Variants in GTPBP4 observed in about 807,000 individuals in gnomAD.
GTPBP4 encodes GTP-binding protein 4.
In GTPBP4, 15 loss-of-function variants were observed where a neutral mutation model predicts 81.7. The observed-to-expected ratio is 0.18, with a 90% CI of 0.12 to 0.28. GTPBP4 has a LOEUF of 0.28. Among genes scored for constraint, GTPBP4 ranks in the 10% least tolerant of loss-of-function variants. GTPBP4 has a pLI of 1.00. For synonymous variants in GTPBP4, 272 were observed against 274.6 expected (o/e 0.99, Z 0.09); for missense variants, 847 against 793.8 (o/e 1.07, Z -0.81).
intron 10 of GTPBP4, 112 bp downstream of exon 10, chr10:1,007,240 G>T (rs989632488): frequency 1.5e-6 from 1 of 650,970 alleles, no homozygotes. Flanking sequence ...GGTGGATATT[G>T]TGGGTGGGCC....
chr10:995,141 T>G (rs917969759), intron 2 of GTPBP4, among the ~76,000 whole-genome samples: 2 of 152,052 alleles, frequency 1.3e-5, no homozygotes, highest in Non-Finnish European at 2.9e-5. Context: ...GCCTGGTGAT[T>G]TAAAATGCAT....
chr10:1,016,535 T>G (rs7068703), intron 16 of GTPBP4, among the ~76,000 whole-genome samples: 76,244 of 152,168 alleles, frequency 0.5, 19,404 homozygotes, highest in Middle Eastern at 0.61. Context: ...TCTGTGCCAT[T>G]GCCATCTTGA....
At chr10:990,208 G>A (rs1002516963) in intron 1 of GTPBP4, among the ~76,000 whole-genome samples, 4 of 152,100 alleles carry the variant, frequency 2.6e-5, no homozygotes, top group Non-Finnish European at 5.9e-5. Flanking sequence ...TCTGTTCTGT[G>A]GAGTGAGATT....
intron 8 of GTPBP4, among the ~76,000 whole-genome samples, chr10:1,002,725 A>G (rs1485543258): frequency 1.3e-5 from 2 of 152,192 alleles, no homozygotes; most frequent in African/African-American, 2.4e-5. Flanking sequence ...AACACTTTGA[A>G]TATATATCAT....
In GTPBP4 at chr10:1,007,089, T is replaced by G. The variant is rs1266103587; in HGVS notation, c.1074T>G (p.Asn358Lys). ...MKGNKVNEVL[N>K]RLHLAIPTRR... is the part of the protein sequence containing the mutation. ...GAAATAAAGTGAATGAGGTGCTGAA[T>G]AGACTGCACCTGGCTATCCCAACCA... Residue 358 changes from asparagine (N) to lysine (K), a missense_variant, in exon 10 of 17, where the codon AAT becomes AAG. By Grantham distance (94) the Asn-to-Lys change is moderately conservative. Coordinates refer to ENST00000360803, the MANE Select transcript of GTPBP4 (RefSeq NM_012341.3). 3 of 1,611,524 alleles carry G rather than the reference T, an allele frequency of 1.9e-6. No homozygotes were observed. The African/African-American group carries it at 4.0e-5, about 22-fold the overall frequency.
intron 1 of GTPBP4, among the ~76,000 whole-genome samples, chr10:991,713 T>G (rs1453463334): frequency 2.1e-5 from 2 of 96,826 alleles, no homozygotes; most frequent in East Asian, 6.8e-4. Context: ...TTTTTTTTTT[T>G]GAGACGGAGT....
chr10:1,009,550 A>G lies in GTPBP4; in HGVS notation c.1213A>G (p.Met405Val). 1.2e-6 allele frequency: 2 copies of G among 1,603,062 alleles called. No individual in the cohort carries two copies. Among genetic ancestry groups the G allele is most frequent in the Non-Finnish European group, 1.7e-6 (2 of 1,169,870 alleles). Residue 405 changes from methionine to valine, a missense_variant, in exon 12 of 17, where the codon ATG becomes GTG. Around this residue, in one of 3 missense-constraint regions of GTPBP4, gnomAD observed 600 missense variants for 557.1 expected, o/e 1.08. Transcript: ENST00000360803. ...GCAGGAACGAGATCTTGAGCTGGAA[A>G]TGGGAGATGATTATATTTTGGATCT... ...KKRERDLELE[M>V]GDDYILDLQK...
chr10:1,013,872 A>G (rs1831925878), intron 14 of GTPBP4, among the ~76,000 whole-genome samples: 1 of 152,206 alleles, frequency 6.6e-6, no homozygotes, highest in African/African-American at 2.4e-5. Context: ...GTACTTCTCC[A>G]GGTGGGGCTC....
rs376755049 is a variant in GTPBP4 at position 1,015,807 on chromosome 10, C to A, written c.1663C>A (p.Arg555=). ...RSRSITRKRK[R]EDSAPPSSVA... ...CCGGAGCATCACTAGGAAAAGAAAG[C>A]GGGAAGACTCTGCTCCCCCGTCCTC... Residue 555 remains arginine (R), a synonymous_variant, in exon 16 of 17, where the codon CGG becomes AGG. Transcript: ENST00000360803. 2.5e-6 allele frequency: 4 copies of A among 1,613,970 alleles called. No homozygotes were observed. Among genetic ancestry groups the A allele is most frequent in the Non-Finnish European group, 3.4e-6 (4 of 1,179,806 alleles).
rs2132181455 is a variant in GTPBP4, at chr10:1,019,824, T to C, written c.*2597T>C. 1 of 1,611,644 alleles carries C rather than the reference T, an allele frequency of 6.2e-7. No homozygotes were observed. The highest frequency in any genetic ancestry group is 2.2e-5 in the East Asian group (1 of 44,858). Reference sequence around the variant, plus strand: ...ATAGATTGTCATGAACACAATGTCCTCTGGAGAAATCTATTGACAGAAATT... The same window carrying C: ...ATAGATTGTCATGAACACAATGTCCCCTGGAGAAATCTATTGACAGAAATT... On this transcript the variant is annotated 3_prime_UTR_variant, in exon 17 of 17. Transcript: ENST00000360803.
At chr10:990,445 G>A (rs561667606) in intron 1 of GTPBP4, among the ~76,000 whole-genome samples, 34 of 152,234 alleles carry the variant, frequency 2.2e-4, no homozygotes, top group Middle Eastern at 3.4e-3. Flanking sequence ...AGTCGAGGCC[G>A]GGTGCGGTGG....
Position 1,017,227 on chromosome 10 carries a change from G to A in GTPBP4, c.1905G>A (p.Ter635=). Residue 635 remains the stop codon, a stop_retained_variant, in exon 17 of 17, where the codon TAG becomes TAA. Coordinates refer to ENST00000360803, the MANE Select transcript of GTPBP4 (RefSeq NM_012341.3). ...AAGCTGGTAAAAAGGACAGGAGATA[G>A]TATCCGTTTGGTTGGCGTGGCTTCG... ...KRKAGKKDRR[*] The A allele has an allele frequency of 6.2e-7, 1 of 1,613,330 alleles. No homozygotes were observed. The highest frequency in any genetic ancestry group is 8.5e-7 in the Non-Finnish European group (1 of 1,179,512).
rs1832058099 is a variant in GTPBP4 at position 1,019,754 on chromosome 10, A to G, written c.*2527A>G. On this transcript the variant is annotated 3_prime_UTR_variant, in exon 17 of 17. Transcript: ENST00000360803. ...TTTTCCTCACAAGCAGAAGGTAACA[A>G]ATTTCATGCTCTCCCCAAATTCTGT... 1.2e-6 allele frequency: 2 copies of G among 1,613,844 alleles called. No homozygotes were observed. Among genetic ancestry groups the G allele is most frequent in the Non-Finnish European group, 8.5e-7 (1 of 1,179,994 alleles).
intron 12 of GTPBP4, 119 bp downstream of exon 12, chr10:1,009,699 ATT>A: frequency 1.4e-6 from 1 of 739,836 alleles, no homozygotes; most frequent in Non-Finnish European, 2.4e-6. Flanking sequence ...TCAACTTTTA[ATT>A]TCTTGAAGAT....
At chr10:1,001,359 T>A (rs1157128575) in intron 8 of GTPBP4, among the ~76,000 whole-genome samples, 1 of 152,184 alleles carries the variant, frequency 6.6e-6, no homozygotes, top group Non-Finnish European at 1.5e-5. Flanking sequence ...TAAATGAGTT[T>A]GGAGACTAAT....
At chr10:1,016,956 G>C in intron 16 of GTPBP4, 119 bp from the exon 17 acceptor site, 1 of 691,534 alleles carries the variant, frequency 1.4e-6, no homozygotes. Context: ...AGATGTAACA[G>C]GGTCTCTTCG....
intron 10 of GTPBP4, chr10:1,007,941 A>G (rs2132168206): frequency 3.9e-6 from 2 of 518,092 alleles, no homozygotes; most frequent in Non-Finnish European, 7.7e-6. Context: ...TTGTATTACA[A>G]AGGTTGGATT....
intron 13 of GTPBP4, among the ~76,000 whole-genome samples, chr10:1,012,226 A>G (rs901193929): frequency 6.6e-6 from 1 of 152,134 alleles, no homozygotes; most frequent in Non-Finnish European, 1.5e-5. Flanking sequence ...AAAAAAAGGA[A>G]ATGGTGCACA....
In GTPBP4 at chr10:999,289, TTG is replaced by T. The variant is rs527995239; in HGVS notation, c.654+198_654+199del. On this transcript the variant is annotated intron_variant, in intron 6 of 16. Transcript: ENST00000360803. ...GCACACCACCACGACCGGCCAATTTTTGTGTTTTTTTAGTAGAGAGGGGGTTT... is the reference window on the plus strand; with the variant it reads ...GCACACCACCACGACCGGCCAATTTTTGTTTTTTTAGTAGAGAGGGGGTTT... Among the ~76,000 whole-genome samples, 90 of 152,100 alleles carry T rather than the reference TTG, an allele frequency of 5.9e-4. 1 individual carries two copies. The highest frequency in any genetic ancestry group is 1.0e-3 in the Non-Finnish European group (70 of 68,016).
Sources: allele counts gnomAD v4.1 joint callset (sites outside exome capture counted in the v4.1 genomes callset), GRCh38; gene constraint gnomAD v4.1.1; regional missense constraint gnomAD v4.1.1; transcripts MANE v1.5; gene names NCBI Gene and HGNC (gene_info 2026-07-23, HGNC 2026-07-21).